The following SORCS2 variants were observed in gnomAD, a reference collection of about 807,000 sequenced individuals.
SORCS2 encodes VPS10 domain-containing receptor SorCS2.
In SORCS2, 100 loss-of-function variants were observed where a neutral mutation model predicts 141.6. The observed-to-expected ratio is 0.71, with a 90% CI of 0.60 to 0.83. The LOEUF (loss-of-function observed/expected upper bound fraction) is 0.83. Among genes scored for constraint, SORCS2 ranks in the 40% least tolerant of loss-of-function variants. The probability of loss-of-function intolerance (pLI) is 0.00; values close to 1 mark genes in which losing one functional copy is unlikely to be tolerated. For missense variants in SORCS2, 1,646 were observed against 1,560.2 expected (o/e 1.05, Z -0.93); for synonymous variants, 789 against 676.9 (o/e 1.17, Z -2.57).
chr4:7,321,753 G>A (rs1241360697), intron 1 of SORCS2, among the ~76,000 whole-genome samples: 1 of 152,210 alleles, frequency 6.6e-6, no homozygotes, highest in African/African-American at 2.4e-5. Context: ...GAAGAACATT[G>A]TGGGCAGGGG....
At chr4:7,471,950 A>T (rs1294369719) in intron 2 of SORCS2, among the ~76,000 whole-genome samples, 1 of 152,160 alleles carries the variant, frequency 6.6e-6, no homozygotes, top group Non-Finnish European at 1.5e-5. Context: ...AGCCTAGTGG[A>T]TTAGAACCTG....
intron 3 of SORCS2, among the ~76,000 whole-genome samples, chr4:7,555,151 C>T (rs893083705): frequency 1.3e-5 from 2 of 152,222 alleles, no homozygotes; most frequent in Non-Finnish European, 2.9e-5. Flanking sequence ...TCAGGGTAAA[C>T]ACTCCCTCTA....
At chr4:7,639,648 T>C (rs1720513229) in intron 4 of SORCS2, among the ~76,000 whole-genome samples, 1 of 151,350 alleles carries the variant, frequency 6.6e-6, no homozygotes, top group Non-Finnish European at 1.5e-5. Flanking sequence ...AGTGTGTATA[T>C]GAATGTGAGT....
chr4:7,612,964 C>T (rs1349008359), intron 3 of SORCS2, among the ~76,000 whole-genome samples: 1 of 138,910 alleles, frequency 7.2e-6, no homozygotes. Flanking sequence ...CCAAGGCCAA[C>T]AGCAGGGACT....
At chr4:7,355,540 C>T (rs1224710147) in intron 1 of SORCS2, among the ~76,000 whole-genome samples, 3 of 152,092 alleles carry the variant, frequency 2.0e-5, no homozygotes, top group Admixed American at 6.5e-5. Flanking sequence ...GTGCCTTCAC[C>T]GCGTGGCTCT....
At chr4:7,532,120 A>G (rs747331796) in intron 3 of SORCS2, among the ~76,000 whole-genome samples, 3 of 152,138 alleles carry the variant, frequency 2.0e-5, no homozygotes, top group Non-Finnish European at 4.4e-5. Flanking sequence ...TGGCTGTACA[A>G]TAGGAGAGAG....
chr4:7,314,771 C>T lies in SORCS2; in HGVS notation c.481-81517C>T, dbSNP rs973835962. Among the ~76,000 whole-genome samples, 23 of 148,654 alleles carry T rather than the reference C, an allele frequency of 1.5e-4. No individual in the cohort carries two copies. The Middle Eastern group carries it at 0.014, about 93-fold the overall frequency. ...CGGGTGTGAAGACCCAGGGCATAGC[C>T]GGGCTCCCAGGAGCCTGCCCACTGT... On this transcript the variant is annotated intron_variant, in intron 1 of 26. Transcript: ENST00000507866.
intron 2 of SORCS2, among the ~76,000 whole-genome samples, chr4:7,523,861 C>A (rs1577694481): frequency 6.6e-6 from 1 of 152,178 alleles, no homozygotes; most frequent in Admixed American, 6.5e-5. Context: ...TCCTACCATG[C>A]CCTCCAGTGG....
intron 1 of SORCS2, among the ~76,000 whole-genome samples, chr4:7,388,734 T>A (rs369665139): frequency 2.0e-5 from 3 of 152,174 alleles, no homozygotes; most frequent in Non-Finnish European, 2.9e-5. Context: ...CTTGTGAACG[T>A]AAGAGTGGGC....
chr4:7,581,670 C>T (rs1716161006), intron 3 of SORCS2, among the ~76,000 whole-genome samples: 1 of 152,156 alleles, frequency 6.6e-6, no homozygotes, highest in African/African-American at 2.4e-5. Context: ...GCTGTGGGTG[C>T]TGTCCGTGGT....
intron 1 of SORCS2, among the ~76,000 whole-genome samples, chr4:7,317,230 A>C (rs1718619068): frequency 1.3e-5 from 2 of 152,188 alleles, no homozygotes; most frequent in Admixed American, 6.5e-5. Flanking sequence ...GTGATCATAC[A>C]GAGTGCTGGG....
chr4:7,604,699 CTG>C (rs1009031775), intron 3 of SORCS2, among the ~76,000 whole-genome samples: 3 of 152,220 alleles, frequency 2.0e-5, no homozygotes, highest in African/African-American at 7.2e-5. Context: ...TCTGCCATGA[CTG>C]TAAGTTTCCC....
chr4:7,398,453 A>G (rs1724361694), intron 2 of SORCS2, among the ~76,000 whole-genome samples: 1 of 152,244 alleles, frequency 6.6e-6, no homozygotes, highest in Non-Finnish European at 1.5e-5. Flanking sequence ...TTTTTCTCCA[A>G]AGCAAATTGA....
At position 7,601,741 on chromosome 4, in the gene SORCS2, G is replaced by A. The variant is rs550687315; in HGVS notation, c.649-36587G>A. Among the ~76,000 whole-genome samples, 3 of 151,986 alleles carry A rather than the reference G, an allele frequency of 2.0e-5. No homozygotes were observed. In the South Asian group the frequency reaches 6.2e-4, roughly 32 times the overall value. On this transcript the variant is annotated intron_variant, in intron 3 of 26. Coordinates refer to ENST00000507866, the MANE Select transcript of SORCS2 (RefSeq NM_020777.3). ...AGAGGGGGATTTGGCAGGGTCATAG[G>A]ACAATAGTGGAGGGAAGGTCAGCAG...
At chr4:7,589,818 T>G (rs547850430) in intron 3 of SORCS2, among the ~76,000 whole-genome samples, 1 of 152,172 alleles carries the variant, frequency 6.6e-6, no homozygotes, top group African/African-American at 2.4e-5. Flanking sequence ...GTTTAAGTAA[T>G]GTGTCTGAGG....
rs192058794 is a variant in SORCS2, at chr4:7,234,075, T to C, written c.480+40949T>C. Among the ~76,000 whole-genome samples the C allele has an allele frequency of 1.3e-3, 201 of 152,170 alleles. 1 individual carries two copies. The highest frequency in any genetic ancestry group is 4.5e-3 in the African/African-American group (187 of 41,526). On this transcript the variant is annotated intron_variant, in intron 1 of 26. Transcript: ENST00000507866. ...CGAGCCCTTGATCCTGGCAGCCCCA[T>C]CTCCCCAGGTGCTGGAGTTACTAGG... is the stretch of plus-strand genomic sequence containing the variant.
At chr4:7,251,464 G>C (rs1713504642) in intron 1 of SORCS2, among the ~76,000 whole-genome samples, 1 of 152,300 alleles carries the variant, frequency 6.6e-6, no homozygotes, top group East Asian at 1.9e-4. Flanking sequence ...TGTACAGGAG[G>C]GCTCACTGTA....
intron 1 of SORCS2, among the ~76,000 whole-genome samples, chr4:7,304,197 T>C (rs1717633514): frequency 6.6e-6 from 1 of 152,252 alleles, no homozygotes; most frequent in Non-Finnish European, 1.5e-5. Context: ...TCTGGCCTTA[T>C]GTTCTTGCCT....
intron 1 of SORCS2, among the ~76,000 whole-genome samples, chr4:7,365,741 A>G (rs1488729830): frequency 6.6e-6 from 1 of 151,916 alleles, no homozygotes; most frequent in African/African-American, 2.4e-5. Flanking sequence ...ATTTATGGTC[A>G]CTCTTTTTGC....
Sources: allele counts gnomAD v4.1 joint callset (sites outside exome capture counted in the v4.1 genomes callset), GRCh38; gene constraint gnomAD v4.1.1; transcripts MANE v1.5; gene names NCBI Gene and HGNC (gene_info 2026-07-23, HGNC 2026-07-21).